RIMS2: variants seen among roughly 807,000 people sequenced by gnomAD.
RIMS2 encodes the protein regulating synaptic membrane exocytosis 2.
In RIMS2, 59 loss-of-function variants were observed where a neutral mutation model predicts 174.4. The observed-to-expected ratio is 0.34, with a 90% CI of 0.27 to 0.42. The LOEUF (loss-of-function observed/expected upper bound fraction) is 0.42. Ranked by LOEUF, RIMS2 falls within the 10% of genes least tolerant of loss-of-function variation. RIMS2 has a pLI of 1.00. For missense variants in RIMS2, 1,620 were observed against 1,666.3 expected, an observed-to-expected ratio of 0.97 and a Z score of 0.48; for synonymous variants, 606 against 572.5, an observed-to-expected ratio of 1.06 and a Z score of -0.84.
chr8:103,611,533 ATT>A (rs71575975), intron 1 of RIMS2, among the ~76,000 whole-genome samples: 2 of 146,108 alleles, frequency 1.4e-5, no homozygotes, highest in African/African-American at 2.5e-5. Context: ...GTTGGGAGGA[ATT>A]TTTTTTTTTT....
At chr8:103,927,704 T>C (rs1179318245) in intron 10 of RIMS2, 1 of 661,304 alleles carries the variant, frequency 1.5e-6, no homozygotes, top group East Asian at 2.8e-5. Context: ...AGTACTTAAT[T>C]TTGATAAATA....
intron 19 of RIMS2, among the ~76,000 whole-genome samples, chr8:104,080,651 T>G (rs1389041359): frequency 6.6e-6 from 1 of 152,066 alleles, no homozygotes; most frequent in Non-Finnish European, 1.5e-5. Flanking sequence ...ACCATTCACA[T>G]CTATAACTTC....
At chr8:103,790,956 G>C (rs1054495021) in intron 3 of RIMS2, among the ~76,000 whole-genome samples, 22 of 152,192 alleles carry the variant, frequency 1.4e-4, no homozygotes, top group Non-Finnish European at 1.3e-4. Flanking sequence ...TGGTGTACCT[G>C]AAAGTGACGG....
intron 1 of RIMS2, among the ~76,000 whole-genome samples, chr8:103,627,639 C>T (rs1035600351): frequency 3.9e-5 from 6 of 152,210 alleles, no homozygotes; most frequent in East Asian, 3.8e-4. Context: ...TCTTCTGCCT[C>T]GGCTCCAGCC....
chr8:103,968,524 T>TG (rs1565588943), intron 15 of RIMS2, among the ~76,000 whole-genome samples: 2 of 151,950 alleles, frequency 1.3e-5, no homozygotes, highest in Non-Finnish European at 2.9e-5. Flanking sequence ...CCTTTTTTTT[T>TG]GGGTAGGTAC....
intron 1 of RIMS2, among the ~76,000 whole-genome samples, chr8:103,545,089 G>A (rs1387161744): frequency 6.6e-6 from 1 of 152,196 alleles, no homozygotes; most frequent in African/African-American, 2.4e-5. Flanking sequence ...GAATAGGAAT[G>A]AAGATCATCA....
intron 19 of RIMS2, among the ~76,000 whole-genome samples, chr8:104,068,939 C>T (rs2097150749): frequency 6.6e-6 from 1 of 151,936 alleles, no homozygotes; most frequent in Non-Finnish European, 1.5e-5. Context: ...GATTTTTTCC[C>T]ATTTTATAGT....
intron 4 of RIMS2, among the ~76,000 whole-genome samples, chr8:103,891,395 G>C (rs2099244413): frequency 6.6e-6 from 1 of 152,030 alleles, no homozygotes; most frequent in East Asian, 1.9e-4. Context: ...ATTGGTTTCA[G>C]TGGCGAATTA....
rs758569499 is a variant in RIMS2, at chr8:104,245,067, G to C, written c.3476+10G>C. 42 of 1,613,046 alleles carry C rather than the reference G, an allele frequency of 2.6e-5. No homozygotes were observed. Among genetic ancestry groups the C allele is most frequent in the Non-Finnish European group, 3.5e-5 (41 of 1,179,420 alleles). On this transcript the variant is annotated intron_variant, in intron 20 of 23. Coordinates refer to ENST00000504942, the Ensembl canonical transcript of RIMS2. ...ACAGCTCAGAAGGAAAGTGAGTGAGGCTGCATGTGATGTGTGTCTCCTCCG... is the reference window on the plus strand; with the variant it reads ...ACAGCTCAGAAGGAAAGTGAGTGAGCCTGCATGTGATGTGTGTCTCCTCCG...
chr8:104,156,943 A>C (rs1251072527), intron 19 of RIMS2, among the ~76,000 whole-genome samples: 10 of 152,214 alleles, frequency 6.6e-5, no homozygotes, highest in Non-Finnish European at 1.3e-4. Context: ...AATGAAAGAG[A>C]TGTTAAGTAA....
chr8:103,684,275 A>C (rs1302626033), intron 1 of RIMS2, among the ~76,000 whole-genome samples: 1 of 152,182 alleles, frequency 6.6e-6, no homozygotes, highest in Non-Finnish European at 1.5e-5. Flanking sequence ...ATGTCATATA[A>C]ATGAAACTAT....
rs574275274 is a variant in RIMS2, at chr8:103,880,251, C to T, written c.699-5047C>T. ...ATAGGAGAAGGTGATTTATAAATTTCTAAATCCACCAGTTTTAAGCGTAGT... is the reference window on the plus strand; with the variant it reads ...ATAGGAGAAGGTGATTTATAAATTTTTAAATCCACCAGTTTTAAGCGTAGT... On this transcript the variant is annotated intron_variant, in intron 3 of 23. Transcript: ENST00000504942. Among the ~76,000 whole-genome samples, 7 of 151,682 alleles carry T rather than the reference C, an allele frequency of 4.6e-5. No individual in the cohort carries two copies. In the South Asian group the frequency reaches 1.5e-3, roughly 31 times the overall value.
intron 19 of RIMS2, among the ~76,000 whole-genome samples, chr8:104,040,555 C>T (rs148970926): frequency 1.3e-5 from 2 of 151,570 alleles, no homozygotes; most frequent in East Asian, 1.9e-4. Flanking sequence ...TACATTTTAG[C>T]GTAAATTTTA....
At chr8:103,563,634 T>C (rs1482629691) in intron 1 of RIMS2, among the ~76,000 whole-genome samples, 1 of 152,178 alleles carries the variant, frequency 6.6e-6, no homozygotes, top group African/African-American at 2.4e-5. Flanking sequence ...GTTACCCAGT[T>C]CCAAAGTCAC....
intron 1 of RIMS2, 50 bp from the exon 3 acceptor site, chr8:103,652,574 C>A (rs1471445536): frequency 2.0e-6 from 2 of 983,456 alleles, no homozygotes; most frequent in Non-Finnish European, 2.9e-6. Flanking sequence ...CGTTAACCTA[C>A]ATTGTTATTC....
At chr8:103,685,523 G>T (rs2096931220) in intron 1 of RIMS2, among the ~76,000 whole-genome samples, 1 of 152,072 alleles carries the variant, frequency 6.6e-6, no homozygotes, top group African/African-American at 2.4e-5. Flanking sequence ...GATTTAGAGG[G>T]TACAAAACAT....
chr8:103,708,502 T>C (rs1433602557), intron 2 of RIMS2, among the ~76,000 whole-genome samples: 1 of 152,228 alleles, frequency 6.6e-6, no homozygotes, highest in Non-Finnish European at 1.5e-5. Context: ...GTTTTAATTT[T>C]CATGAAGGTG....
rs566292438 is a variant in RIMS2, at chr8:103,960,611, A to G, written c.2702-454A>G. ...ATAAGGAACTGACTATATTCAATGT[A>G]TTGGTGATGCATATTAGAAAAAGAC... On this transcript the variant is annotated intron_variant, in intron 14 of 23. Transcript: ENST00000504942. Among the ~76,000 whole-genome samples the G allele has an allele frequency of 3.3e-5, 5 of 152,300 alleles. 1 individual carries two copies. The South Asian group carries it at 6.2e-4, about 19-fold the overall frequency.
At chr8:103,691,148 T>C (rs995266212) in intron 1 of RIMS2, among the ~76,000 whole-genome samples, 1 of 152,204 alleles carries the variant, frequency 6.6e-6, no homozygotes, top group Non-Finnish European at 1.5e-5. Context: ...GGGAGTTTGA[T>C]TATTAAATGC....
Sources: allele counts gnomAD v4.1 joint callset (sites outside exome capture counted in the v4.1 genomes callset), GRCh38; gene constraint gnomAD v4.1.1; transcripts MANE v1.5; gene names NCBI Gene and HGNC (gene_info 2026-07-23, HGNC 2026-07-21).